Variants in WWOX observed in about 807,000 individuals in gnomAD.
WWOX encodes the protein WW domain-containing oxidoreductase.
In WWOX, 69 loss-of-function variants were observed where a neutral mutation model predicts 46.2. The observed-to-expected ratio is 1.49, with a 90% CI of 1.23 to 1.82. The LOEUF (loss-of-function observed/expected upper bound fraction) is 1.82, where lower values mean the gene tolerates loss of function less well. Among genes scored for constraint, WWOX ranks in the 40% most tolerant of loss-of-function variants. WWOX has a pLI of 0.00. For missense variants in WWOX, 919 were observed against 542.6 expected (o/e 1.69, Z -6.89); for synonymous variants, 359 against 202.6 (o/e 1.77, Z -6.56).
At chr16:79,202,364 A>T (rs184226240) in intron 8 of WWOX, among the ~76,000 whole-genome samples, 1 of 152,304 alleles carries the variant, frequency 6.6e-6, no homozygotes, top group East Asian at 1.9e-4. Context: ...TTTGGGATAT[A>T]AGGCACACGG....
intron 5 of WWOX, among the ~76,000 whole-genome samples, chr16:78,384,443 C>A (rs1011339520): frequency 6.6e-6 from 1 of 152,128 alleles, no homozygotes; most frequent in Non-Finnish European, 1.5e-5. Flanking sequence ...TATTTTTAAT[C>A]ATCAGATAAA....
At chr16:78,365,315 G>A (rs915893751) in intron 5 of WWOX, among the ~76,000 whole-genome samples, 1 of 152,144 alleles carries the variant, frequency 6.6e-6, no homozygotes, top group South Asian at 2.1e-4. Context: ...TGAGCCAGCT[G>A]TTGGTTATGT....
chr16:78,686,076 G>T (rs2047849716), intron 8 of WWOX, among the ~76,000 whole-genome samples: 1 of 152,146 alleles, frequency 6.6e-6, no homozygotes, highest in African/African-American at 2.4e-5. Context: ...GTAGATTTGG[G>T]ATCTATAGAT....
At chr16:78,936,506 A>G (rs972087489) in intron 8 of WWOX, among the ~76,000 whole-genome samples, 1 of 152,144 alleles carries the variant, frequency 6.6e-6, no homozygotes, top group Non-Finnish European at 1.5e-5. Context: ...CAGCTGAGGC[A>G]ACCTATTAAA....
At chr16:78,311,023 T>G (rs1186850256) in intron 5 of WWOX, among the ~76,000 whole-genome samples, 1 of 152,162 alleles carries the variant, frequency 6.6e-6, no homozygotes, top group Non-Finnish European at 1.5e-5. Context: ...AAACACCTAG[T>G]GCACTGAAAG....
At chr16:78,697,951 GT>G (rs963724868) in intron 8 of WWOX, among the ~76,000 whole-genome samples, 3 of 152,042 alleles carry the variant, frequency 2.0e-5, no homozygotes, top group African/African-American at 7.2e-5. Context: ...ATCACTCCAG[GT>G]TTTTCTTGTT....
chr16:78,556,207 G>T (rs998043884), intron 8 of WWOX, among the ~76,000 whole-genome samples: 1 of 151,434 alleles, frequency 6.6e-6, no homozygotes, highest in African/African-American at 2.4e-5. Flanking sequence ...CCAGCCTATC[G>T]TGCATCAGAT....
chr16:78,130,616 G>T (rs931824541), intron 4 of WWOX, among the ~76,000 whole-genome samples: 1 of 152,222 alleles, frequency 6.6e-6, no homozygotes, highest in African/African-American at 2.4e-5. Context: ...TCCATGGTCA[G>T]TTTACCTGCC....
chr16:78,786,055 C>T (rs1053004805), intron 8 of WWOX, among the ~76,000 whole-genome samples: 7 of 152,130 alleles, frequency 4.6e-5, no homozygotes, highest in African/African-American at 1.7e-4. Context: ...TACAGGCACC[C>T]ACCACCACGC....
At chr16:78,442,252 T>C (rs1182006451) in intron 8 of WWOX, among the ~76,000 whole-genome samples, 3 of 152,164 alleles carry the variant, frequency 2.0e-5, no homozygotes, top group Non-Finnish European at 4.4e-5. Context: ...TCAACTTACA[T>C]AGCTATCATT....
chr16:78,832,884 A>G (rs1248990956), intron 8 of WWOX, among the ~76,000 whole-genome samples: 1 of 152,162 alleles, frequency 6.6e-6, no homozygotes, highest in Non-Finnish European at 1.5e-5. Flanking sequence ...TTTTGAGCTC[A>G]TGCAGTTCTA....
At chr16:78,467,363 T>G (rs1352897984) in intron 8 of WWOX, among the ~76,000 whole-genome samples, 1 of 152,208 alleles carries the variant, frequency 6.6e-6, no homozygotes. Flanking sequence ...GAAAGAATTA[T>G]AAAATGATCA....
chr16:78,518,342 C>T (rs963655061), intron 8 of WWOX, among the ~76,000 whole-genome samples: 3 of 152,264 alleles, frequency 2.0e-5, no homozygotes, highest in Admixed American at 1.3e-4. Context: ...AGTGATTCTC[C>T]TGCCTCAGCC....
At chr16:78,886,361 C>G (rs1281515738) in intron 8 of WWOX, among the ~76,000 whole-genome samples, 3 of 150,470 alleles carry the variant, frequency 2.0e-5, no homozygotes, top group African/African-American at 7.3e-5. Flanking sequence ...ACTTTATTTA[C>G]TCAATATTAA....
intron 8 of WWOX, among the ~76,000 whole-genome samples, chr16:78,679,155 T>A (rs1189319643): frequency 6.6e-6 from 1 of 152,118 alleles, no homozygotes; most frequent in Admixed American, 6.5e-5. Flanking sequence ...GAGGATTGTG[T>A]CCCCCAGTGA....
At chr16:78,944,885 A>C (rs1157156706) in intron 8 of WWOX, among the ~76,000 whole-genome samples, 1 of 151,866 alleles carries the variant, frequency 6.6e-6, no homozygotes, top group Non-Finnish European at 1.5e-5. Context: ...TAATTGAAAA[A>C]CTTTTCCTAA....
At chr16:78,599,966 A>G (rs774378202) in intron 8 of WWOX, among the ~76,000 whole-genome samples, 1 of 152,138 alleles carries the variant, frequency 6.6e-6, no homozygotes, top group Non-Finnish European at 1.5e-5. Context: ...CTGAGGCTGC[A>G]TAATTTATGC....
chr16:78,638,795 T>C (rs914877150), intron 8 of WWOX, among the ~76,000 whole-genome samples: 1 of 152,152 alleles, frequency 6.6e-6, no homozygotes, highest in African/African-American at 2.4e-5. Flanking sequence ...GAATTCACAG[T>C]AAAATCAGAA....
intron 8 of WWOX, among the ~76,000 whole-genome samples, chr16:79,051,723 A>G (rs1171018632): frequency 2.0e-5 from 3 of 152,256 alleles, no homozygotes; most frequent in Non-Finnish European, 4.4e-5. Flanking sequence ...TCCTCTTGAA[A>G]GAATTTCCTC....
Sources: allele counts gnomAD v4.1 joint callset (sites outside exome capture counted in the v4.1 genomes callset), GRCh38; gene constraint gnomAD v4.1.1; transcripts MANE v1.5; gene names NCBI Gene and HGNC (gene_info 2026-07-23, HGNC 2026-07-21).